Variants in AQR observed in about 807,000 individuals in gnomAD.
The protein encoded by AQR is aquarius intron-binding spliceosomal factor.
AQR carries 61 observed loss-of-function variants against 180.5 expected under a neutral mutation model. That is an observed-to-expected ratio of 0.34 (90% CI 0.28 to 0.42). AQR has a LOEUF of 0.42. Among genes scored for constraint, AQR ranks in the 10% least tolerant of loss-of-function variants. The probability of loss-of-function intolerance (pLI) is 1.00; values close to 1 mark genes in which losing one functional copy is unlikely to be tolerated. For synonymous variants in AQR, 551 were observed against 588.8 expected, an observed-to-expected ratio of 0.94 and a Z score of 0.93; for missense variants, 1,281 against 1,798.3, an observed-to-expected ratio of 0.71 and a Z score of 5.20.
chr15:34,931,668 C>T (rs562313641), intron 11 of AQR, among the ~76,000 whole-genome samples: 2 of 152,122 alleles, frequency 1.3e-5, no homozygotes, highest in South Asian at 4.2e-4. Context: ...ATTACCCGGG[C>T]GTGGCGGTGC....
chr15:34,859,132 T>C (rs956456432), intron 34 of AQR, among the ~76,000 whole-genome samples: 1 of 152,116 alleles, frequency 6.6e-6, no homozygotes, highest in Non-Finnish European at 1.5e-5. Flanking sequence ...CAAGCCAGAA[T>C]GGGAGAAAAT....
chr15:34,950,720 C>T (rs1294856824), intron 4 of AQR, among the ~76,000 whole-genome samples: 1 of 152,022 alleles, frequency 6.6e-6, no homozygotes, highest in East Asian at 1.9e-4. Context: ...CTCTGCTGTT[C>T]ACTCTTGCTT....
At chr15:34,922,164 G>T (rs896150860) in intron 13 of AQR, among the ~76,000 whole-genome samples, 1 of 152,116 alleles carries the variant, frequency 6.6e-6, no homozygotes, top group Non-Finnish European at 1.5e-5. Context: ...ATGCATTTGA[G>T]CATTTGAGAT....
chr15:34,900,629 G>C lies in AQR; in HGVS notation c.2236C>G (p.Pro746Ala), dbSNP rs367937960. 14 of 1,613,484 alleles carry C rather than the reference G, an allele frequency of 8.7e-6. No individual in the cohort carries two copies. The highest frequency in any genetic ancestry group is 1.6e-4 in the Middle Eastern group (1 of 6,084). Residue 746 changes from proline to alanine, a missense_variant, in exon 20 of 35, where the codon CCT (proline) becomes GCT (alanine). Around this residue, in one of 9 missense-constraint regions of AQR, gnomAD observed 112 missense variants for 128.6 expected, o/e 0.87. Coordinates refer to ENST00000156471, the MANE Select transcript of AQR (RefSeq NM_014691.3). ...TVEDPALQIP[P>A]FRITFPVRSG... ...ACCCAGTTCTGACTTTACCTGAAAG[G>C]GGGTATTTGTAGAGCAGGGTCTTCT...
At chr15:34,945,572 C>CTTTCTATA (rs1387662497) in intron 5 of AQR, among the ~76,000 whole-genome samples, 9 of 152,146 alleles carry the variant, frequency 5.9e-5, no homozygotes, top group African/African-American at 2.2e-4. Context: ...TTCCTTCTTC[C>CTTTCTATA]TTTCTGTATT....
chr15:34,867,290 G>A (rs1040017729), intron 32 of AQR, among the ~76,000 whole-genome samples: 10 of 152,020 alleles, frequency 6.6e-5, no homozygotes, highest in Admixed American at 5.9e-4. Flanking sequence ...CTATCTCTGA[G>A]GGTTACTAAA....
At chr15:34,926,053 G>A (rs1319185235) in intron 13 of AQR, among the ~76,000 whole-genome samples, 6 of 152,096 alleles carry the variant, frequency 3.9e-5, no homozygotes, top group African/African-American at 1.4e-4. Context: ...TGTAGTCCCA[G>A]CTACTCAGGA....
At chr15:34,946,355 T>G (rs941422693) in intron 5 of AQR, among the ~76,000 whole-genome samples, 1 of 151,976 alleles carries the variant, frequency 6.6e-6, no homozygotes, top group African/African-American at 2.4e-5. Context: ...CATGTAAAAC[T>G]ACAAATATAA....
intron 3 of AQR, among the ~76,000 whole-genome samples, chr15:34,956,696 G>GAAAAAAAAAAAAA (rs565202160): frequency 2.4e-5 from 2 of 83,400 alleles, no homozygotes; most frequent in African/African-American, 4.8e-5. Flanking sequence ...TAAGAAGTCA[G>GAAAAAAAAAAAAA]AAAAAAAAAA....
chr15:34,857,735 A>G (rs1168725782), intron 34 of AQR, among the ~76,000 whole-genome samples: 2 of 151,858 alleles, frequency 1.3e-5, no homozygotes, highest in Non-Finnish European at 1.5e-5. Context: ...TGGGTGACAG[A>G]GAGAGATTCT....
At chr15:34,878,963 G>A (rs1436443041) in intron 27 of AQR, among the ~76,000 whole-genome samples, 1 of 152,028 alleles carries the variant, frequency 6.6e-6, no homozygotes, top group Non-Finnish European at 1.5e-5. Flanking sequence ...AGGAGGTGGA[G>A]GTTGAAGTGA....
In AQR at chr15:34,930,387, T is replaced by C. The variant is rs1205750711; in HGVS notation, c.901-16A>G. ...TGTCCAAAAGCTGAAGAAACACATT[T>C]ACATGTATAAATCATATGAACATAA... On this transcript the variant is annotated splice_polypyrimidine_tract_variant and intron_variant, in intron 11 of 34. Coordinates refer to ENST00000156471, the MANE Select transcript of AQR (RefSeq NM_014691.3). The C allele has an allele frequency of 1.1e-5, 15 of 1,383,028 alleles. No individual in the cohort carries two copies. Among genetic ancestry groups the C allele is most frequent in the Non-Finnish European group, 1.4e-5 (14 of 972,338 alleles). 85.7% of individuals were successfully genotyped at this position (1,383,028 alleles called of 1,614,324 possible). A position where few individuals can be genotyped will look rare whatever the true frequency, so the allele number is the denominator to read the frequency against.
At chr15:34,957,135 G>C in intron 3 of AQR, among the ~76,000 whole-genome samples, 1 of 147,462 alleles carries the variant, frequency 6.8e-6, no homozygotes. Context: ...TCAGGACCTA[G>C]CCTAAAAAAC....
At chr15:34,933,732 C>G (rs551275826) in intron 10 of AQR, among the ~76,000 whole-genome samples, 20 of 152,292 alleles carry the variant, frequency 1.3e-4, no homozygotes, top group Non-Finnish European at 2.8e-4. Flanking sequence ...ATTTGAAAAC[C>G]TGAAGGGCCA....
At chr15:34,911,904 G>A (rs986778018) in intron 16 of AQR, among the ~76,000 whole-genome samples, 4 of 52,804 alleles carry the variant, frequency 7.6e-5, no homozygotes, top group African/African-American at 1.7e-4. Flanking sequence ...TTTTCTTCTC[G>A]GAGTTTCATG....
chr15:34,918,811 T>G (rs1893638248), intron 14 of AQR, among the ~76,000 whole-genome samples: 1 of 152,212 alleles, frequency 6.6e-6, no homozygotes, highest in Non-Finnish European at 1.5e-5. Context: ...TGGACTATAG[T>G]TTTCATTCTT....
chr15:34,864,833 T>G (rs941961071), intron 32 of AQR, among the ~76,000 whole-genome samples: 1 of 152,112 alleles, frequency 6.6e-6, no homozygotes, highest in South Asian at 2.1e-4. Flanking sequence ...ATGAGGAGAT[T>G]TGAACTACAA....
chr15:34,924,052 T>C (rs1217464208), intron 13 of AQR, among the ~76,000 whole-genome samples: 1 of 152,354 alleles, frequency 6.6e-6, no homozygotes, highest in East Asian at 1.9e-4. Flanking sequence ...ACCTAGCTTC[T>C]AATTTTTCAG....
At chr15:34,954,119 G>A (rs1894272955) in intron 3 of AQR, among the ~76,000 whole-genome samples, 1 of 152,070 alleles carries the variant, frequency 6.6e-6, no homozygotes, top group Admixed American at 6.6e-5. Context: ...GTTTCCCCAT[G>A]TTGTCCAGGT....
Sources: gnomAD v4.1 joint callset for allele counts (sites outside exome capture counted in the v4.1 genomes callset) on GRCh38, gnomAD v4.1.1 for gene constraint, gnomAD v4.1.1 regional missense constraint, MANE v1.5 for transcripts, NCBI Gene and HGNC (gene_info 2026-07-23, HGNC 2026-07-21) for gene names.